Variants in SLC9A9 observed in about 807,000 individuals in gnomAD.
SLC9A9 encodes sodium/hydrogen exchanger 9.
SLC9A9 carries 62 observed loss-of-function variants against 77.8 expected under a neutral mutation model. The ratio of observed to expected loss-of-function variants is 0.80; its 90% CI spans 0.65 to 0.98. The LOEUF (loss-of-function observed/expected upper bound fraction) is 0.98, where lower values mean the gene tolerates loss of function less well. Ranked by LOEUF, SLC9A9 falls within the 50% of genes least tolerant of loss-of-function variation. The pLI is 0.00. For synonymous variants in SLC9A9, 320 were observed against 283.5 expected (o/e 1.13, Z -1.29); for missense variants, 775 against 774.9 (o/e 1.00, Z 0.00).
intron 4 of SLC9A9, among the ~76,000 whole-genome samples, chr3:143,771,079 G>T (rs1246512533): frequency 4.6e-5 from 7 of 152,126 alleles, no homozygotes; most frequent in Admixed American, 4.6e-4. Context: ...TACAATGAGA[G>T]ATTATTTTCT....
chr3:143,704,795 C>G (rs1240894509), intron 4 of SLC9A9, among the ~76,000 whole-genome samples: 2 of 151,980 alleles, frequency 1.3e-5, no homozygotes, highest in Admixed American at 1.3e-4. Flanking sequence ...GGGTTCAAGA[C>G]CAGCCTGACC....
chr3:143,652,365 G>A lies in SLC9A9; in HGVS notation c.650-5C>T. 6.2e-7 allele frequency: 1 copy of A among 1,609,550 alleles called. No homozygotes were observed. The highest frequency in any genetic ancestry group is 8.5e-7 in the Non-Finnish European group (1 of 1,177,336). ...GGAAAATGGCCAGCACTGTCACTAG[G>A]AAGACACACACAAACATGCAGGTTA... is the stretch of plus-strand genomic sequence containing the variant. On this transcript the variant is annotated splice_polypyrimidine_tract_variant and splice_region_variant and intron_variant, in intron 5 of 15. Transcript: ENST00000316549.
rs867110630 is a variant in SLC9A9, at chr3:143,502,356, G to A, written c.1090-6908C>T. ...CAATCTGTGTTTAAAAACTCTGAAC[G>A]CTCATGGTAACCATTCATATGTTAA... On this transcript the variant is annotated intron_variant, in intron 9 of 15. Transcript: ENST00000316549. 3.5e-5 allele frequency among the ~76,000 whole-genome samples: 5 copies of A among 143,050 alleles called. No individual in the cohort carries two copies. In the South Asian group the frequency reaches 1.0e-3, roughly 30 times the overall value. The allele number at this position is 143,050 out of a possible 152,430, so 93.8% of individuals were successfully genotyped here.
chr3:143,393,900 G>A (rs568873887), intron 12 of SLC9A9, among the ~76,000 whole-genome samples: 26 of 152,158 alleles, frequency 1.7e-4, no homozygotes, highest in Admixed American at 1.2e-3. Flanking sequence ...GACTAAACCA[G>A]GAAGAAGTTG....
chr3:143,707,375 C>G (rs9828599), intron 4 of SLC9A9, among the ~76,000 whole-genome samples: 198 of 104,742 alleles, frequency 1.9e-3, no homozygotes, highest in Non-Finnish European at 3.4e-3. Flanking sequence ...AATCTACACA[C>G]ACACACACAC....
At chr3:143,426,953 G>T (rs767642012) in intron 12 of SLC9A9, among the ~76,000 whole-genome samples, 2 of 152,152 alleles carry the variant, frequency 1.3e-5, no homozygotes, top group Non-Finnish European at 2.9e-5. Context: ...ATTCAAACAC[G>T]GGCAGCTGAC....
rs552480837 is a variant in SLC9A9 at position 143,485,786 on chromosome 3, G to C, written c.1315+7867C>G. Among the ~76,000 whole-genome samples the C allele has an allele frequency of 5.3e-5, 8 of 152,096 alleles. No homozygotes were observed. In the East Asian group the frequency reaches 1.4e-3, roughly 26 times the overall value. On this transcript the variant is annotated intron_variant, in intron 11 of 15. Coordinates refer to ENST00000316549, the MANE Select transcript of SLC9A9 (RefSeq NM_173653.4). ...TATCCCTGAAAAAGACGTGATGGCA[G>C]ATATACTAGACAAAGACTTTTAAGC...
At chr3:143,596,822 C>T (rs143379340) in intron 6 of SLC9A9, among the ~76,000 whole-genome samples, 123 of 152,042 alleles carry the variant, frequency 8.1e-4, no homozygotes, top group African/African-American at 2.9e-3. Context: ...ATCACCACAC[C>T]TAGCTAAGTT....
rs60773685 is a variant in SLC9A9 at position 143,606,436 on chromosome 3, C to CTA, written c.756-27715_756-27714dup. Among the ~76,000 whole-genome samples the CTA allele has an allele frequency of 2.5e-3, 133 of 54,192 alleles. 4 individuals carry two copies. The highest frequency in any genetic ancestry group is 0.013 in the Middle Eastern group (1 of 76). 35.6% of individuals were successfully genotyped at this position (54,192 alleles called of 152,430 possible). A position where few individuals can be genotyped will look rare whatever the true frequency, so the allele number is the denominator to read the frequency against. ...TCTCTCTCTCTCTCTCTCTCTCTCT[C>CTA]TATATATATATATATATATATATAT... On this transcript the variant is annotated intron_variant, in intron 6 of 15. Transcript: ENST00000316549.
intron 11 of SLC9A9, among the ~76,000 whole-genome samples, chr3:143,491,173 T>A (rs1252703989): frequency 1.3e-5 from 2 of 152,168 alleles, no homozygotes; most frequent in Non-Finnish European, 2.9e-5. Flanking sequence ...TCTCTGGACA[T>A]CAGAGTCATA....
chr3:143,548,538 A>G (rs1363510679), intron 9 of SLC9A9, among the ~76,000 whole-genome samples: 1 of 152,202 alleles, frequency 6.6e-6, no homozygotes, highest in Non-Finnish European at 1.5e-5. Context: ...CCCTAAAGCA[A>G]CAAAGAACTC....
chr3:143,661,220 G>A (rs987703277), intron 5 of SLC9A9, among the ~76,000 whole-genome samples: 2 of 152,106 alleles, frequency 1.3e-5, no homozygotes, highest in Non-Finnish European at 2.9e-5. Flanking sequence ...GCAAACAATG[G>A]CCATTTTAAT....
chr3:143,425,206 T>C (rs1238346554), intron 12 of SLC9A9, among the ~76,000 whole-genome samples: 5 of 151,804 alleles, frequency 3.3e-5, no homozygotes, highest in Middle Eastern at 3.4e-3. Context: ...AATTAACAGA[T>C]ATGTTTATAA....
chr3:143,842,555 A>G (rs1451354546), intron 1 of SLC9A9, among the ~76,000 whole-genome samples: 2 of 152,204 alleles, frequency 1.3e-5, no homozygotes, highest in Non-Finnish European at 2.9e-5. Context: ...ACCAAAAGGG[A>G]GAAGAAGTTT....
intron 2 of SLC9A9, among the ~76,000 whole-genome samples, chr3:143,803,371 C>T (rs535558877): frequency 2.5e-3 from 375 of 152,322 alleles, no homozygotes; most frequent in African/African-American, 8.6e-3. Flanking sequence ...CAGTCACCCC[C>T]ACTACTTGGG....
chr3:143,809,054 A>AT, intron 2 of SLC9A9, among the ~76,000 whole-genome samples: 1 of 152,282 alleles, frequency 6.6e-6, no homozygotes, highest in East Asian at 1.9e-4. Flanking sequence ...TTATTGATCT[A>AT]TTTTTATGAG....
At chr3:143,602,362 A>G (rs1354319057) in intron 6 of SLC9A9, among the ~76,000 whole-genome samples, 2 of 152,302 alleles carry the variant, frequency 1.3e-5, no homozygotes, top group Admixed American at 6.5e-5. Flanking sequence ...CAAGATCTCA[A>G]CGTGAGATCT....
intron 14 of SLC9A9, among the ~76,000 whole-genome samples, chr3:143,338,290 C>G (rs932023094): frequency 3.3e-5 from 5 of 152,202 alleles, no homozygotes; most frequent in African/African-American, 1.2e-4. Context: ...AATATTTCAG[C>G]TTGCACAAGG....
chr3:143,556,421 G>T (rs1047320929), intron 8 of SLC9A9, among the ~76,000 whole-genome samples: 5 of 152,230 alleles, frequency 3.3e-5, no homozygotes, highest in African/African-American at 1.2e-4. Context: ...AGTATGAAGT[G>T]CCAGAAGGTG....
Sources: allele counts gnomAD v4.1 joint callset (sites outside exome capture counted in the v4.1 genomes callset), GRCh38; gene constraint gnomAD v4.1.1; transcripts MANE v1.5; gene names NCBI Gene and HGNC (gene_info 2026-07-23, HGNC 2026-07-21).